The following RFX2 variants were observed in gnomAD, a reference collection of about 807,000 sequenced individuals.
The protein encoded by RFX2 is regulatory factor X2.
Under a neutral mutation model 87.8 loss-of-function variants are expected in RFX2, and 20 were observed. That is an observed-to-expected ratio of 0.23 (90% CI 0.16 to 0.33). RFX2 has a LOEUF of 0.33. Ranked by LOEUF, RFX2 falls within the 10% of genes least tolerant of loss-of-function variation. The pLI is 1.00. For missense variants in RFX2, 767 were observed against 1,012.3 expected, an observed-to-expected ratio of 0.76 and a Z score of 3.29; for synonymous variants, 397 against 431.3, an observed-to-expected ratio of 0.92 and a Z score of 0.98.
chr19:6,105,682 A>G (rs2088206152), intron 1 of RFX2, among the ~76,000 whole-genome samples: 1 of 152,158 alleles, frequency 6.6e-6, no homozygotes, highest in East Asian at 1.9e-4. Flanking sequence ...GGCTGGGACC[A>G]GAGGGGCTGG....
intron 1 of RFX2, among the ~76,000 whole-genome samples, chr19:6,090,556 G>A (rs1175939450): frequency 1.3e-5 from 2 of 152,142 alleles, no homozygotes; most frequent in Non-Finnish European, 2.9e-5. Flanking sequence ...GTGTTGGTGA[G>A]GATGTGGAGA....
At chr19:6,070,148 G>A (rs1455119384) in intron 1 of RFX2, among the ~76,000 whole-genome samples, 5 of 15,578 alleles carry the variant, frequency 3.2e-4, no homozygotes, top group Non-Finnish European at 5.6e-4. Context: ...GATGGGATGG[G>A]ATGTGGATGG....
At chr19:6,069,327 C>T (rs1044174981) in intron 1 of RFX2, among the ~76,000 whole-genome samples, 2 of 151,992 alleles carry the variant, frequency 1.3e-5, no homozygotes, top group Non-Finnish European at 2.9e-5. Flanking sequence ...CTAGAGCCAC[C>T]AGTGTCTAGA....
intron 1 of RFX2, among the ~76,000 whole-genome samples, chr19:6,094,833 A>T (rs1404641893): frequency 1.3e-5 from 2 of 152,196 alleles, no homozygotes; most frequent in Admixed American, 1.3e-4. Flanking sequence ...TTACTTTTTA[A>T]AATGCAGCTA....
Position 6,063,340 on chromosome 19 carries a change from G to A in RFX2, c.-8-15836C>T, listed in dbSNP as rs1169196611. ...CTGCAAGTCTAAGGTCTGCAGAATC[G>A]AGGGAGGCCAGCATGGCACACAGCG... On this transcript the variant is annotated intron_variant, in intron 1 of 17. Coordinates refer to ENST00000303657, the MANE Select transcript of RFX2 (RefSeq NM_000635.4). The surrounding 1 kb of genome is among the most constrained non-coding windows in gnomAD (Gnocchi z 4.0). Among the ~76,000 whole-genome samples the A allele has an allele frequency of 2.6e-5, 4 of 152,188 alleles. No homozygotes were observed. Among genetic ancestry groups the A allele is most frequent in the African/African-American group, 9.7e-5 (4 of 41,434 alleles).
chr19:6,056,527 G>T lies in RFX2; in HGVS notation c.-8-9023C>A, dbSNP rs1321275354. 6.6e-6 allele frequency among the ~76,000 whole-genome samples: 1 copy of T among 152,180 alleles called. No individual in the cohort carries two copies. Among genetic ancestry groups the T allele is most frequent in the Admixed American group, 6.5e-5 (1 of 15,286 alleles). On this transcript the variant is annotated intron_variant, in intron 1 of 17. Coordinates refer to ENST00000303657, the MANE Select transcript of RFX2 (RefSeq NM_000635.4). This position sits in a 1 kb window ranked among gnomAD's most constrained non-coding sequence, Gnocchi z 4.6. The stretch of plus-strand genomic sequence containing the variant: ...CAGAGGAGAGCGCAGCAGAGAGTGG[G>T]CAGAGGGCAGGGCCCCGAGGGCGTG...
intron 1 of RFX2, among the ~76,000 whole-genome samples, chr19:6,084,675 C>T (rs762514924): frequency 9.4e-5 from 14 of 149,170 alleles, no homozygotes; most frequent in Admixed American, 8.0e-4. Flanking sequence ...GCTCTTGTTG[C>T]CCAGGCAGGA....
At position 6,084,627 on chromosome 19, in the gene RFX2, T is replaced by TTTTC. The variant is rs200242016; in HGVS notation, c.-9+25762_-9+25765dup. On this transcript the variant is annotated intron_variant, in intron 1 of 17. Transcript: ENST00000303657. Reference sequence around the variant, plus strand: ...GGAATCACACTGGATTTGTCCTTTTTTTTCTTTCTTTCTTTCTTTTTTTTG... The same window carrying TTTTC: ...GGAATCACACTGGATTTGTCCTTTTTTTTCTTTCTTTCTTTCTTTCTTTTTTTTG... Among the ~76,000 whole-genome samples, 7 of 137,920 alleles carry TTTTC rather than the reference T, an allele frequency of 5.1e-5. No homozygotes were observed. The South Asian group carries it at 1.1e-3, about 21-fold the overall frequency. 90.5% of individuals were successfully genotyped at this position (137,920 alleles called of 152,430 possible).
chr19:6,015,682 G>T (rs767702427), intron 7 of RFX2, among the ~76,000 whole-genome samples: 1 of 151,924 alleles, frequency 6.6e-6, no homozygotes, highest in Non-Finnish European at 1.5e-5. Context: ...TAATTTTTTT[G>T]TAGAGATGAG....
At position 6,050,190 on chromosome 19, in the gene RFX2, G is replaced by A. The variant is rs2087250542; in HGVS notation, c.-8-2686C>T. On this transcript the variant is annotated intron_variant, in intron 1 of 17. Transcript: ENST00000303657. The surrounding 1 kb of genome is among the most constrained non-coding windows in gnomAD (Gnocchi z 4.6). ...TTTCAGCTGCTGCCTGTTGCAGGAG[G>A]GAGAGTTTGAATCTAGCCAAGTCAC... Among the ~76,000 whole-genome samples, 1 of 152,162 alleles carries A rather than the reference G, an allele frequency of 6.6e-6. No individual in the cohort carries two copies. The highest frequency in any genetic ancestry group is 2.1e-4 in the South Asian group (1 of 4,826).
intron 1 of RFX2, among the ~76,000 whole-genome samples, chr19:6,048,740 A>G (rs1309919595): frequency 6.6e-6 from 1 of 152,256 alleles, no homozygotes; most frequent in African/African-American, 2.4e-5. Context: ...CTTTTTAAAA[A>G]TGAAAAGTCA....
chr19:6,073,239 C>G (rs2087634937), intron 1 of RFX2: 1 of 633,970 alleles, frequency 1.6e-6, no homozygotes, highest in African/African-American at 1.8e-5. Flanking sequence ...CTCAGCCTCC[C>G]AAAGTGCTGG....
At position 6,006,937 on chromosome 19, in the gene RFX2, C is replaced by T. The variant is rs142426600; in HGVS notation, c.1402+75G>A. ...AGCGATGGTCTGAGGTGGCTGAAGA[C>T]GTACATGTAAGAAAGGACAGAGGAG... On this transcript the variant is annotated intron_variant, in intron 12 of 17. Transcript: ENST00000303657. The T allele has an allele frequency of 2.8e-4, 421 of 1,527,738 alleles. 1 individual carries two copies. The highest frequency in any genetic ancestry group is 3.5e-4 in the Non-Finnish European group (396 of 1,117,460). 94.6% of individuals were successfully genotyped at this position (1,527,738 alleles called of 1,614,324 possible).
chr19:6,065,605 C>T (rs2087498750), intron 1 of RFX2, among the ~76,000 whole-genome samples: 1 of 152,142 alleles, frequency 6.6e-6, no homozygotes, highest in East Asian at 1.9e-4. Context: ...CAGAACGAGA[C>T]TCTGTCTCCA....
Position 6,101,356 on chromosome 19 carries a change from T to C in RFX2, c.-9+9037A>G, listed in dbSNP as rs2144906863. 6.6e-6 allele frequency among the ~76,000 whole-genome samples: 1 copy of C among 152,366 alleles called. No homozygotes were observed. The highest frequency in any genetic ancestry group is 2.4e-5 in the African/African-American group (1 of 41,582). On this transcript the variant is annotated intron_variant, in intron 1 of 17. Coordinates refer to ENST00000303657, the MANE Select transcript of RFX2 (RefSeq NM_000635.4). This position sits in a 1 kb window ranked among gnomAD's most constrained non-coding sequence, Gnocchi z 4.9. The stretch of plus-strand genomic sequence containing the variant: ...AGGCTACATCTGTCTGTATGTATTC[T>C]GAGAAGGACAGGAGAGGTGGGAAAA...
At chr19:6,057,112 G>A (rs1335023196) in intron 1 of RFX2, 3 of 152,242 alleles carry the variant, frequency 2.0e-5, no homozygotes, top group Non-Finnish European at 4.4e-5. Flanking sequence ...TGGAATCCAC[G>A]AAACGCTCAT....
At chr19:6,094,474 T>C (rs2087992771) in intron 1 of RFX2, among the ~76,000 whole-genome samples, 1 of 152,198 alleles carries the variant, frequency 6.6e-6, no homozygotes, top group Non-Finnish European at 1.5e-5. Context: ...CCCACGCTAC[T>C]CAGACTTTGT....
At chr19:6,082,720 A>G (rs1307360851) in intron 1 of RFX2, among the ~76,000 whole-genome samples, 1 of 152,122 alleles carries the variant, frequency 6.6e-6, no homozygotes, top group East Asian at 1.9e-4. Context: ...GGTGTTAGCC[A>G]CTGGAAAACT....
chr19:6,071,377 G>T (rs1337319255), intron 1 of RFX2, among the ~76,000 whole-genome samples: 1 of 152,004 alleles, frequency 6.6e-6, no homozygotes, highest in Non-Finnish European at 1.5e-5. Flanking sequence ...AGATCCTGTC[G>T]GTACTTTTAA....
Sources: gnomAD v4.1 joint callset for allele counts (sites outside exome capture counted in the v4.1 genomes callset) on GRCh38, gnomAD v4.1.1 for gene constraint, Gnocchi (gnomAD v3.1) non-coding constraint, MANE v1.5 for transcripts, NCBI Gene and HGNC (gene_info 2026-07-23, HGNC 2026-07-21) for gene names.